Variants in CNST observed in about 807,000 individuals in gnomAD.
The protein encoded by CNST is consortin, connexin sorting protein.
A neutral mutation model predicts 72.4 loss-of-function variants in CNST; 39 were observed. The ratio of observed to expected loss-of-function variants is 0.54; its 90% confidence interval spans 0.42 to 0.70. CNST has a LOEUF of 0.70. Among genes scored for constraint, CNST ranks in the 30% least tolerant of loss-of-function variants. The pLI is 0.00. For synonymous variants in CNST, 332 were observed against 320.1 expected (o/e 1.04, Z -0.40); for missense variants, 871 against 868.5 (o/e 1.00, Z -0.04).
chr1:246,596,945 C>T (rs932158611), intron 2 of CNST, among the ~76,000 whole-genome samples: 2 of 152,044 alleles, frequency 1.3e-5, no homozygotes, highest in African/African-American at 4.8e-5. Context: ...ATGGATAGAC[C>T]GTATTTCATT....
intron 10 of CNST, among the ~76,000 whole-genome samples, chr1:246,661,523 C>G (rs965236066): frequency 6.6e-6 from 1 of 152,188 alleles, no homozygotes; most frequent in African/African-American, 2.4e-5. Flanking sequence ...GAGTGTCTCT[C>G]GAGAGCAGCA....
chr1:246,613,383 CAG>C (rs1323902379), intron 2 of CNST, among the ~76,000 whole-genome samples: 4 of 152,002 alleles, frequency 2.6e-5, no homozygotes, highest in African/African-American at 9.7e-5. Context: ...AAAACACAAT[CAG>C]AGAAAAGGTG....
intron 2 of CNST, among the ~76,000 whole-genome samples, chr1:246,605,698 CGGCCGGGGT>C (rs2103047036): frequency 6.9e-6 from 1 of 144,700 alleles, no homozygotes; most frequent in South Asian, 2.2e-4. Context: ...AGGTGTCTTC[CGGCCGGGGT>C]AGGTGTCTTC....
At chr1:246,664,630 G>T (rs1042284397) in intron 10 of CNST, among the ~76,000 whole-genome samples, 2 of 151,806 alleles carry the variant, frequency 1.3e-5, no homozygotes, top group South Asian at 2.1e-4. Context: ...GTTTCACCGT[G>T]TCAGCCAGGA....
chr1:246,643,443 A>G (rs957104480), intron 8 of CNST, among the ~76,000 whole-genome samples: 10 of 152,178 alleles, frequency 6.6e-5, no homozygotes, highest in African/African-American at 2.4e-4. Context: ...CCTTGGGAAA[A>G]GTGCTATTAC....
chr1:246,598,126 C>G (rs1325882158), intron 2 of CNST, among the ~76,000 whole-genome samples: 1 of 151,428 alleles, frequency 6.6e-6, no homozygotes, highest in Non-Finnish European at 1.5e-5. Flanking sequence ...GGACTACAAG[C>G]GCATGCCGCT....
At chr1:246,660,597 C>T (rs368473170) in intron 10 of CNST, among the ~76,000 whole-genome samples, 10 of 152,038 alleles carry the variant, frequency 6.6e-5, no homozygotes, top group South Asian at 2.1e-4. Context: ...TGGGGGTACG[C>T]GCCTGTAATC....
intron 2 of CNST, among the ~76,000 whole-genome samples, chr1:246,593,518 A>G (rs935412122): frequency 6.6e-6 from 1 of 151,686 alleles, no homozygotes; most frequent in Non-Finnish European, 1.5e-5. Flanking sequence ...TTTTTTTTGT[A>G]TTTTTAATAG....
chr1:246,631,995 G>A (rs1396261501), intron 4 of CNST, 71 bp downstream of exon 4: 1 of 933,068 alleles, frequency 1.1e-6, no homozygotes, highest in Non-Finnish European at 1.7e-6. Flanking sequence ...TTTAATTGAA[G>A]TATATTTTAC....
intron 1 of CNST, among the ~76,000 whole-genome samples, chr1:246,582,108 T>G (rs1660822177): frequency 6.6e-6 from 1 of 152,164 alleles, no homozygotes. Context: ...CAAGATGAAA[T>G]TTTTCAGATC....
In CNST at chr1:246,566,486, C is replaced by T. The variant is rs1417626078; in HGVS notation, c.-229C>T. The T allele has an allele frequency of 4.5e-6, 2 of 444,114 alleles. No homozygotes were observed. The highest frequency in any genetic ancestry group is 2.0e-5 in the African/African-American group (1 of 50,534). 27.5% of individuals were successfully genotyped at this position (444,114 alleles called of 1,614,324 possible). On this transcript the variant is annotated 5_prime_UTR_variant, in exon 1 of 11. Coordinates refer to ENST00000366513, the MANE Select transcript of CNST (RefSeq NM_152609.3). ...CGCGGGCCGCCAGCCTCCAGCCGGC[C>T]AGCCGCGAGGGGTGCGCAGAGGGAG...
At position 246,648,251 on chromosome 1, in the gene CNST, T is replaced by G. The variant is rs1007123840; in HGVS notation, c.1836+214T>G. 41 of 1,319,202 alleles carry G rather than the reference T, an allele frequency of 3.1e-5. No homozygotes were observed. In the African/African-American group the frequency reaches 5.8e-4, roughly 19 times the overall value. 81.7% of individuals were successfully genotyped at this position (1,319,202 alleles called of 1,614,324 possible). On this transcript the variant is annotated intron_variant, in intron 9 of 10. Coordinates refer to ENST00000366513, the MANE Select transcript of CNST (RefSeq NM_152609.3). ...TTGCAATGTTCATACTACAAGATGTTCTATTGCATGCCTCCAGCTAGAGTG... is the reference window on the plus strand; with the variant it reads ...TTGCAATGTTCATACTACAAGATGTGCTATTGCATGCCTCCAGCTAGAGTG...
rs558527065 is a variant in CNST at position 246,651,264 on chromosome 1, C to T, written c.1836+3227C>T. ...CGAGGCAATGAGTCTGCCCCCTCCA[C>T]CCCTCCACGCTGCTGTGCTATCGCA... On this transcript the variant is annotated intron_variant, in intron 9 of 10. Transcript: ENST00000366513. 2.6e-5 allele frequency among the ~76,000 whole-genome samples: 4 copies of T among 152,302 alleles called. 1 individual carries two copies. The highest frequency in any genetic ancestry group is 3.4e-3 in the Middle Eastern group (1 of 294).
rs113258007 is a variant in CNST, at chr1:246,586,111, A to ATGTGTGTGTGTG, written c.-51-5381_-51-5370dup. On this transcript the variant is annotated intron_variant, in intron 1 of 10. Coordinates refer to ENST00000366513, the MANE Select transcript of CNST (RefSeq NM_152609.3). ...GAGGGGGAGATATATATATATATATATGTGTGTGTGTGTGTGTGTGTGTGT... is the reference window on the plus strand; with the variant it reads ...GAGGGGGAGATATATATATATATATATGTGTGTGTGTGTGTGTGTGTGTGTGTGTGTGTGTGT... Among the ~76,000 whole-genome samples, 313 of 102,654 alleles carry ATGTGTGTGTGTG rather than the reference A, an allele frequency of 3.0e-3. 2 individuals carry two copies. The highest frequency in any genetic ancestry group is 0.012 in the African/African-American group (294 of 24,998). The allele number at this position is 102,654 out of a possible 152,430, so 67.3% of individuals were successfully genotyped here. A position where few individuals can be genotyped will look rare whatever the true frequency, so the allele number is the denominator to read the frequency against.
chr1:246,649,193 C>G (rs1403128031), intron 9 of CNST, among the ~76,000 whole-genome samples: 2 of 134,340 alleles, frequency 1.5e-5, no homozygotes, highest in African/African-American at 5.5e-5. Flanking sequence ...TTTTGCTTAA[C>G]AAAATTATTT....
intron 6 of CNST, among the ~76,000 whole-genome samples, chr1:246,639,988 A>G (rs979578054): frequency 6.6e-5 from 10 of 151,150 alleles, no homozygotes; most frequent in Non-Finnish European, 1.2e-4. Flanking sequence ...TGCTTCTGCT[A>G]TCTTGCTGAT....
In CNST at chr1:246,647,330, T is replaced by C; in HGVS notation, c.1129T>C (p.Ser377Pro). Residue 377 changes from serine to proline, a missense_variant, in exon 9 of 11, where the codon TCC becomes CCC. By Grantham distance (74) the Ser-to-Pro change is moderately conservative. Transcript: ENST00000366513. ...AGCCACGTTAGCGCTCCACACCCAG[T>C]CCTCCGAGACAGCAGGGAGCCCGTC... ...AEATLALHTQ[S>P]SETAGSPSGP... The C allele has an allele frequency of 6.2e-7, 1 of 1,614,102 alleles. No homozygotes were observed. Among genetic ancestry groups the C allele is most frequent in the Non-Finnish European group, 8.5e-7 (1 of 1,180,030 alleles).
intron 1 of CNST, among the ~76,000 whole-genome samples, chr1:246,581,497 G>C (rs1257797507): frequency 6.6e-6 from 1 of 151,906 alleles, no homozygotes; most frequent in South Asian, 2.1e-4. Flanking sequence ...TCCTGAGCTC[G>C]GGTGATCCGC....
At chr1:246,636,642 G>T (rs138553569) in intron 6 of CNST, among the ~76,000 whole-genome samples, 1 of 152,152 alleles carries the variant, frequency 6.6e-6, no homozygotes, top group Non-Finnish European at 1.5e-5. Context: ...TTCTGTCTTC[G>T]AGCACTTGAG....
Sources: gnomAD v4.1 joint callset for allele counts (sites outside exome capture counted in the v4.1 genomes callset) on GRCh38, gnomAD v4.1.1 for gene constraint, MANE v1.5 for transcripts, NCBI Gene and HGNC (gene_info 2026-07-23, HGNC 2026-07-21) for gene names.